C1orf52: variants seen among roughly 807,000 people sequenced by gnomAD.
C1orf52 encodes the protein chromosome 1 open reading frame 52, also known as UPF0690 protein C1orf52.
In C1orf52, 5 loss-of-function variants were observed where a neutral mutation model predicts 17.2. That is an observed-to-expected ratio of 0.29 (90% CI 0.15 to 0.61). The LOEUF (loss-of-function observed/expected upper bound fraction) is 0.61, where lower values mean the gene tolerates loss of function less well. Ranked by LOEUF, C1orf52 falls within the 20% of genes least tolerant of loss-of-function variation. The pLI is 0.85. For missense variants in C1orf52, 245 were observed against 234.1 expected (o/e 1.05, Z -0.30); for synonymous variants, 110 against 88.0 (o/e 1.25, Z -1.40).
chr1:85,253,317 G>A (rs1378514313), intron 2 of C1orf52, among the ~76,000 whole-genome samples: 1 of 152,092 alleles, frequency 6.6e-6, no homozygotes, highest in Non-Finnish European at 1.5e-5. Flanking sequence ...CTCTAACGAT[G>A]ACATTATTTA....
chr1:85,254,707 G>A (rs886654551), intron 2 of C1orf52, among the ~76,000 whole-genome samples: 4 of 152,148 alleles, frequency 2.6e-5, no homozygotes, highest in South Asian at 2.1e-4. Flanking sequence ...GCTTTTTAAC[G>A]AGTTAATTAT....
intron 2 of C1orf52, among the ~76,000 whole-genome samples, chr1:85,256,244 G>A (rs115205831): frequency 1.2e-3 from 183 of 152,260 alleles, no homozygotes; most frequent in African/African-American, 4.3e-3. Flanking sequence ...CTTTAGCTGC[G>A]TGAATGAATT....
intron 2 of C1orf52, chr1:85,257,514 G>A (rs1024130883): frequency 5.3e-5 from 38 of 713,854 alleles, no homozygotes; most frequent in Middle Eastern, 2.3e-4. Context: ...AGGGAGAAAG[G>A]GCCTATTAAT....
Sources: gnomAD v4.1 joint callset for allele counts (sites outside exome capture counted in the v4.1 genomes callset) on GRCh38, gnomAD v4.1.1 for gene constraint, MANE v1.5 for transcripts, NCBI Gene and HGNC (gene_info 2026-07-23, HGNC 2026-07-21) for gene names.